KATNAL1: variants seen among roughly 807,000 people sequenced by gnomAD.
KATNAL1 encodes the protein katanin p60 ATPase-containing subunit A-like 1.
In KATNAL1, 32 loss-of-function variants were observed where a neutral mutation model predicts 55.2. The observed-to-expected ratio is 0.58, with a 90% confidence interval of 0.44 to 0.78. KATNAL1 has a LOEUF of 0.78. Ranked by LOEUF, KATNAL1 falls within the 30% of genes least tolerant of loss-of-function variation. KATNAL1 has a pLI of 0.00. For synonymous variants in KATNAL1, 193 were observed against 193.6 expected, an observed-to-expected ratio of 1.00 and a Z score of 0.02; for missense variants, 466 against 600.9, an observed-to-expected ratio of 0.78 and a Z score of 2.35.
intron 1 of KATNAL1, chr13:30,296,601 G>A: frequency 1.4e-6 from 1 of 720,646 alleles, no homozygotes; most frequent in Non-Finnish European, 2.6e-6. Flanking sequence ...ATTGGATGAG[G>A]CTCTGCAGCT....
chr13:30,274,903 GCGCGCACACACACACACACA>G (rs1241734256), intron 3 of KATNAL1, among the ~76,000 whole-genome samples: 2 of 93,700 alleles, frequency 2.1e-5, no homozygotes, highest in African/African-American at 3.7e-5. Flanking sequence ...GCGCGCGCGC[GCGCGCACACACACACACACA>G]CACACACACA....
At chr13:30,213,045 GC>G (rs1430104451) in intron 9 of KATNAL1, among the ~76,000 whole-genome samples, 2 of 151,474 alleles carry the variant, frequency 1.3e-5, no homozygotes, top group Non-Finnish European at 2.9e-5. Flanking sequence ...AAGGAGAGAG[GC>G]CCCAGAGTGC....
At chr13:30,214,523 T>C (rs1391301098) in intron 9 of KATNAL1, among the ~76,000 whole-genome samples, 1 of 152,140 alleles carries the variant, frequency 6.6e-6, no homozygotes, top group African/African-American at 2.4e-5. Flanking sequence ...CTTCAAACTA[T>C]ACTACAAGGC....
At chr13:30,284,528 C>G (rs1206920329) in intron 1 of KATNAL1, among the ~76,000 whole-genome samples, 1 of 151,972 alleles carries the variant, frequency 6.6e-6, no homozygotes, top group Non-Finnish European at 1.5e-5. Flanking sequence ...TTCTTGGCCC[C>G]AAGAATAAAA....
chr13:30,274,905 G>GCACACACACACA (rs1212571978), intron 3 of KATNAL1, among the ~76,000 whole-genome samples: 5 of 84,348 alleles, frequency 5.9e-5, no homozygotes, highest in South Asian at 3.7e-4. Flanking sequence ...GCGCGCGCGC[G>GCACACACACACA]CGCACACACA....
At chr13:30,249,825 CATGCAGTGAG>C (rs1388921707) in intron 4 of KATNAL1, among the ~76,000 whole-genome samples, 1 of 152,182 alleles carries the variant, frequency 6.6e-6, no homozygotes, top group Non-Finnish European at 1.5e-5. Context: ...ACAAGGCTTA[CATGCAGTGAG>C]ATGCTGAAGT....
intron 1 of KATNAL1, chr13:30,296,799 C>T: frequency 4.8e-6 from 2 of 420,218 alleles, no homozygotes; most frequent in Non-Finnish European, 4.7e-6. Flanking sequence ...CTCACCTGTG[C>T]CCCTACCTAG....
At chr13:30,209,786 T>C (rs1470295623) in intron 10 of KATNAL1, among the ~76,000 whole-genome samples, 2 of 152,224 alleles carry the variant, frequency 1.3e-5, no homozygotes, top group African/African-American at 2.4e-5. Flanking sequence ...ATAATTTCTT[T>C]TTTTTTCTTT....
chr13:30,263,231 G>A lies in KATNAL1; in HGVS notation c.324-7616C>T, dbSNP rs1007044504. Among the ~76,000 whole-genome samples, 24 of 152,106 alleles carry A rather than the reference G, an allele frequency of 1.6e-4. 1 individual carries two copies. The highest frequency in any genetic ancestry group is 2.6e-4 in the Non-Finnish European group (18 of 68,036). On this transcript the variant is annotated intron_variant, in intron 3 of 10. Coordinates refer to ENST00000380615, the MANE Select transcript of KATNAL1 (RefSeq NM_032116.5). Reference sequence around the variant, plus strand: ...GATGGGACGTATCTCAAAATAATAAGAGCTATTCATGACAAACTCACAGCC... The same window carrying A: ...GATGGGACGTATCTCAAAATAATAAAAGCTATTCATGACAAACTCACAGCC...
intron 6 of KATNAL1, among the ~76,000 whole-genome samples, chr13:30,240,139 A>G (rs775530926): frequency 1.2e-4 from 18 of 152,204 alleles, no homozygotes; most frequent in Non-Finnish European, 2.2e-4. Context: ...ATAAGACCAT[A>G]TATTATTTCT....
At chr13:30,281,585 T>G (rs567266235) in intron 2 of KATNAL1, among the ~76,000 whole-genome samples, 1 of 152,340 alleles carries the variant, frequency 6.6e-6, no homozygotes, top group Non-Finnish European at 1.5e-5. Flanking sequence ...TGGTAACATT[T>G]AAGTTGGAAA....
At chr13:30,300,630 T>G (rs1882797648) in intron 1 of KATNAL1, among the ~76,000 whole-genome samples, 1 of 152,184 alleles carries the variant, frequency 6.6e-6, no homozygotes, top group South Asian at 2.1e-4. Flanking sequence ...CTCAAATTAA[T>G]GCATCCTGAA....
intron 1 of KATNAL1, among the ~76,000 whole-genome samples, chr13:30,288,508 A>G (rs1469117869): frequency 6.6e-6 from 1 of 152,204 alleles, no homozygotes; most frequent in Non-Finnish European, 1.5e-5. Flanking sequence ...AGCTATATAA[A>G]ATTACTTGAT....
chr13:30,253,145 G>C (rs763167847), intron 4 of KATNAL1, among the ~76,000 whole-genome samples: 1 of 152,168 alleles, frequency 6.6e-6, no homozygotes, highest in Non-Finnish European at 1.5e-5. Context: ...TGAGTTTCAG[G>C]AACTTCAGTA....
chr13:30,209,488 G>A (rs951126509), intron 10 of KATNAL1, among the ~76,000 whole-genome samples: 4 of 152,206 alleles, frequency 2.6e-5, no homozygotes, highest in African/African-American at 9.7e-5. Flanking sequence ...AACAGATGCT[G>A]TGGCTTTAAA....
intron 3 of KATNAL1, among the ~76,000 whole-genome samples, chr13:30,266,318 T>C (rs1879781015): frequency 6.6e-6 from 1 of 152,162 alleles, no homozygotes; most frequent in Non-Finnish European, 1.5e-5. Context: ...TAAGAGATGT[T>C]AAAATAATGC....
intron 9 of KATNAL1, among the ~76,000 whole-genome samples, chr13:30,216,325 C>T (rs999669404): frequency 2.0e-5 from 3 of 152,152 alleles, no homozygotes; most frequent in Non-Finnish European, 4.4e-5. Context: ...GGAGGGAACA[C>T]GCTGGGAGCT....
chr13:30,205,090 T>C lies in KATNAL1; in HGVS notation c.*3450A>G, dbSNP rs148949899. The C allele has an allele frequency of 2.1e-3, 319 of 152,348 alleles. 1 individual carries two copies. The highest frequency in any genetic ancestry group is 7.2e-3 in the African/African-American group (299 of 41,584). The allele number at this position is 152,348 out of a possible 1,614,324, so 9.4% of individuals were successfully genotyped here. ...AAAATTGTTCATTAAAATAGATCCA[T>C]AATAGTTACACATTATTCAAATAAA... On this transcript the variant is annotated 3_prime_UTR_variant, in exon 11 of 11. Transcript: ENST00000380615.
intron 4 of KATNAL1, among the ~76,000 whole-genome samples, chr13:30,244,214 AATG>A (rs916576223): frequency 2.6e-5 from 4 of 151,858 alleles, no homozygotes; most frequent in African/African-American, 9.7e-5. Flanking sequence ...GTTTGCTGAG[AATG>A]ATGGTTTCCA....
Sources: allele counts gnomAD v4.1 joint callset (sites outside exome capture counted in the v4.1 genomes callset), GRCh38; gene constraint gnomAD v4.1.1; transcripts MANE v1.5; gene names NCBI Gene and HGNC (gene_info 2026-07-23, HGNC 2026-07-21).